Variants in WDFY4 observed in about 807,000 individuals in gnomAD.
WDFY4 encodes WDFY family member 4.
In WDFY4, 169 loss-of-function variants were observed where a neutral mutation model predicts 351.9. That is an observed-to-expected ratio of 0.48 (90% CI 0.42 to 0.55). WDFY4 has a LOEUF of 0.55. Ranked by LOEUF, WDFY4 falls within the 20% of genes least tolerant of loss-of-function variation. WDFY4 has a pLI of 0.00. For missense variants in WDFY4, 3,803 were observed against 3,935.6 expected, an observed-to-expected ratio of 0.97 and a Z score of 0.90; for synonymous variants, 1,622 against 1,574.6, an observed-to-expected ratio of 1.03 and a Z score of -0.71.
intron 47 of WDFY4, among the ~76,000 whole-genome samples, chr10:48,914,777 C>T (rs1325328254): frequency 6.6e-6 from 1 of 152,128 alleles, no homozygotes; most frequent in African/African-American, 2.4e-5. Flanking sequence ...CAACAGTAGC[C>T]ATGCAGAAAA....
At chr10:48,926,669 T>C (rs922065776) in intron 47 of WDFY4, among the ~76,000 whole-genome samples, 1 of 152,238 alleles carries the variant, frequency 6.6e-6, no homozygotes, top group African/African-American at 2.4e-5. Flanking sequence ...AGATGTACCA[T>C]ATATATGTGG....
intron 51 of WDFY4, among the ~76,000 whole-genome samples, chr10:48,954,248 C>A (rs1841481557): frequency 6.6e-6 from 1 of 152,230 alleles, no homozygotes; most frequent in Admixed American, 6.5e-5. Flanking sequence ...TAACCTTTTG[C>A]CTCAGAATCC....
chr10:48,832,752 G>T, intron 39 of WDFY4, 43 bp downstream of exon 39: 3 of 1,484,142 alleles, frequency 2.0e-6, no homozygotes, highest in Non-Finnish European at 2.7e-6. Context: ...TCAGGCATTT[G>T]CTTCAAACCC....
chr10:48,711,753 C>T (rs991321611), intron 2 of WDFY4, among the ~76,000 whole-genome samples: 1 of 152,204 alleles, frequency 6.6e-6, no homozygotes, highest in South Asian at 2.1e-4. Context: ...GAGCAGACGG[C>T]ATCGAATAGC....
At chr10:48,730,363 C>T (rs968437886) in intron 8 of WDFY4, among the ~76,000 whole-genome samples, 3 of 152,202 alleles carry the variant, frequency 2.0e-5, no homozygotes, top group Non-Finnish European at 4.4e-5. Flanking sequence ...GATGCAGTAA[C>T]ACATGGGGCA....
At chr10:48,766,529 G>T (rs1175854157) in intron 13 of WDFY4, among the ~76,000 whole-genome samples, 1 of 152,216 alleles carries the variant, frequency 6.6e-6, no homozygotes, top group Non-Finnish European at 1.5e-5. Context: ...GGTTGATGCT[G>T]CAGTGAGTGA....
chr10:48,850,482 G>A (rs188426641), intron 39 of WDFY4, among the ~76,000 whole-genome samples: 4 of 151,682 alleles, frequency 2.6e-5, no homozygotes, highest in Admixed American at 6.6e-5. Context: ...TCTCATATGC[G>A]CTTTCCCTGT....
At chr10:48,963,797 C>T in intron 53 of WDFY4, 45 bp from the exon 54 acceptor site, 2 of 1,536,786 alleles carry the variant, frequency 1.3e-6, no homozygotes, top group Non-Finnish European at 1.8e-6. Flanking sequence ...GTGCATGAGT[C>T]CATGAGTGGC....
chr10:48,774,513 C>G lies in WDFY4; in HGVS notation c.2609C>G (p.Ser870Trp). The G allele has an allele frequency of 6.4e-7, 1 of 1,551,728 alleles. No homozygotes were observed. Among genetic ancestry groups the G allele is most frequent in the Non-Finnish European group, 8.7e-7 (1 of 1,146,994 alleles). The change falls in exon 14 of 62, where the codon TCG (serine) becomes TGG (tryptophan). Residue 870 changes from serine (S) to tryptophan (W), a missense_variant. Physicochemically the swap from Ser to Trp is radical, Grantham distance 177. This residue lies in a region of WDFY4 where 3,054 missense variants were observed against 3,148.6 expected (regional missense o/e 0.97). Transcript: ENST00000325239. Reference sequence around the variant, plus strand: ...AGTCATATCCAGTCCCTGGTGAAGTCGGAGAAGAACCGCCAGGTCATGTGC... The same window carrying G: ...AGTCATATCCAGTCCCTGGTGAAGTGGGAGAAGAACCGCCAGGTCATGTGC... ...LASHIQSLVK[S>W]EKNRQVMCEA...
chr10:48,931,813 T>C (rs7392839), intron 47 of WDFY4, among the ~76,000 whole-genome samples: 135,190 of 152,068 alleles, frequency 0.89, 61,538 homozygotes, highest in East Asian at 1. Flanking sequence ...AGACACTGCC[T>C]CCAATAAGAG....
chr10:48,745,396 AGT>A, intron 12 of WDFY4: 1 of 203,374 alleles, frequency 4.9e-6, no homozygotes, highest in South Asian at 7.2e-5. Context: ...ATGTTCTCAG[AGT>A]GTTAGGTTCG....
At chr10:48,795,569 CTT>C (rs2066845347) in intron 23 of WDFY4, among the ~76,000 whole-genome samples, 1 of 143,278 alleles carries the variant, frequency 7.0e-6, no homozygotes, top group African/African-American at 2.7e-5. Flanking sequence ...GATATTGAGT[CTT>C]TTCTGATCAC....
At chr10:48,777,809 T>C (rs1156712335) in intron 17 of WDFY4, among the ~76,000 whole-genome samples, 1 of 152,242 alleles carries the variant, frequency 6.6e-6, no homozygotes, top group East Asian at 1.9e-4. Context: ...GATGAGTTGT[T>C]CTTCAACTTT....
At chr10:48,885,621 G>A (rs527546530) in intron 43 of WDFY4, among the ~76,000 whole-genome samples, 129 of 152,248 alleles carry the variant, frequency 8.5e-4, no homozygotes, top group African/African-American at 1.8e-3. Context: ...ATGTACTTAC[G>A]TGAAAAGATC....
chr10:48,833,207 G>A (rs978116282), intron 39 of WDFY4, among the ~76,000 whole-genome samples: 9 of 149,488 alleles, frequency 6.0e-5, no homozygotes, highest in East Asian at 2.0e-4. Context: ...GATCAGGAAC[G>A]TTGTTGTAAG....
At chr10:48,933,102 G>C (rs1840127552) in intron 47 of WDFY4, among the ~76,000 whole-genome samples, 1 of 152,154 alleles carries the variant, frequency 6.6e-6, no homozygotes, top group Non-Finnish European at 1.5e-5. Flanking sequence ...CTGTGCTGAA[G>C]GGCATGGCAG....
chr10:48,896,363 C>G (rs192708927), intron 44 of WDFY4, among the ~76,000 whole-genome samples: 4 of 152,202 alleles, frequency 2.6e-5, no homozygotes, highest in Non-Finnish European at 4.4e-5. Context: ...CCACTATGGC[C>G]CCACTGGGAG....
chr10:48,937,125 C>G (rs1840429603), intron 47 of WDFY4, among the ~76,000 whole-genome samples: 1 of 152,024 alleles, frequency 6.6e-6, no homozygotes, highest in Non-Finnish European at 1.5e-5. Flanking sequence ...AACTCCTGAC[C>G]TCAGGTGATC....
At chr10:48,961,702 A>G (rs1841867951) in intron 53 of WDFY4, among the ~76,000 whole-genome samples, 1 of 152,178 alleles carries the variant, frequency 6.6e-6, no homozygotes, top group African/African-American at 2.4e-5. Context: ...AGAAGAAGGG[A>G]AGATATGGCC....
Sources: gnomAD v4.1 joint callset for allele counts (sites outside exome capture counted in the v4.1 genomes callset) on GRCh38, gnomAD v4.1.1 for gene constraint, gnomAD v4.1.1 regional missense constraint, MANE v1.5 for transcripts, NCBI Gene and HGNC (gene_info 2026-07-23, HGNC 2026-07-21) for gene names.